Variants in TCF7L2 observed in about 807,000 individuals in gnomAD.
The protein encoded by TCF7L2 is transcription factor 7 like 2.
In TCF7L2, 23 loss-of-function variants were observed where a neutral mutation model predicts 77.9. The observed-to-expected ratio is 0.30, with a 90% CI of 0.21 to 0.42. TCF7L2 has a LOEUF of 0.42. Ranked by LOEUF, TCF7L2 falls within the 10% of genes least tolerant of loss-of-function variation. The pLI is 1.00. For missense variants in TCF7L2, 654 were observed against 793.1 expected (o/e 0.82, Z 2.11); for synonymous variants, 413 against 340.2 (o/e 1.21, Z -2.36).
At chr10:113,053,384 C>A (rs778041417) in intron 5 of TCF7L2, among the ~76,000 whole-genome samples, 11 of 152,138 alleles carry the variant, frequency 7.2e-5, no homozygotes, top group Non-Finnish European at 1.5e-4. Flanking sequence ...GTAGAACCTG[C>A]TGGATATGTA....
chr10:113,079,938 G>A (rs2059151183), intron 5 of TCF7L2, among the ~76,000 whole-genome samples: 1 of 152,072 alleles, frequency 6.6e-6, no homozygotes, highest in African/African-American at 2.4e-5. Flanking sequence ...GATTACAAGT[G>A]TGAGCACTGT....
chr10:112,969,876 G>T (rs1416384837), intron 4 of TCF7L2, among the ~76,000 whole-genome samples: 2 of 152,178 alleles, frequency 1.3e-5, no homozygotes, highest in Non-Finnish European at 1.5e-5. Flanking sequence ...ATAATGTTTA[G>T]GCATCTCTAT....
chr10:113,090,839 A>C (rs1019585535), intron 5 of TCF7L2, among the ~76,000 whole-genome samples: 1 of 152,046 alleles, frequency 6.6e-6, no homozygotes, highest in South Asian at 2.1e-4. Context: ...CGATCTCCTG[A>C]CCTCGTGATC....
intron 7 of TCF7L2, 102 bp downstream of exon 7, chr10:113,144,127 TG>T: frequency 1.1e-6 from 1 of 916,160 alleles, no homozygotes; most frequent in South Asian, 2.0e-5. Flanking sequence ...TGTGTGTGTG[TG>T]TGTGTGTGTA....
intron 5 of TCF7L2, among the ~76,000 whole-genome samples, chr10:113,070,709 C>T (rs1335165524): frequency 1.3e-5 from 2 of 152,108 alleles, no homozygotes; most frequent in African/African-American, 4.8e-5. Context: ...AATTTTCAGC[C>T]AGGGGAGAGT....
intron 13 of TCF7L2, among the ~76,000 whole-genome samples, chr10:113,165,065 TCACACA>T (rs1564992909): frequency 6.6e-6 from 1 of 152,100 alleles, no homozygotes; most frequent in Non-Finnish European, 1.5e-5. Flanking sequence ...ACACTCACAC[TCACACA>T]CTCACACACA....
chr10:113,125,218 CT>C (rs1199890455), intron 5 of TCF7L2, among the ~76,000 whole-genome samples: 1 of 145,120 alleles, frequency 6.9e-6, no homozygotes, highest in Non-Finnish European at 1.5e-5. Context: ...GTTCTCTGTT[CT>C]TTTTTTAAAA....
chr10:113,128,238 A>G (rs1474617898), intron 5 of TCF7L2, among the ~76,000 whole-genome samples: 1 of 152,188 alleles, frequency 6.6e-6, no homozygotes, highest in Admixed American at 6.5e-5. Context: ...TTACACAGGA[A>G]GGCCAGATAA....
chr10:113,027,610 G>C (rs903797655), intron 4 of TCF7L2, among the ~76,000 whole-genome samples: 2 of 152,156 alleles, frequency 1.3e-5, no homozygotes, highest in African/African-American at 4.8e-5. Flanking sequence ...TTTGGAAGTG[G>C]ACAAAACTGT....
chr10:113,146,970 C>T (rs1164652743), intron 8 of TCF7L2, among the ~76,000 whole-genome samples: 1 of 152,136 alleles, frequency 6.6e-6, no homozygotes, highest in Non-Finnish European at 1.5e-5. Flanking sequence ...AACATATTTA[C>T]AAGATACATT....
At chr10:113,000,490 C>G (rs2044277262) in intron 4 of TCF7L2, among the ~76,000 whole-genome samples, 1 of 152,048 alleles carries the variant, frequency 6.6e-6, no homozygotes, top group Non-Finnish European at 1.5e-5. Context: ...AATTCTTAGG[C>G]CCAGAAAGGC....
chr10:113,128,503 T>C (rs1218001758), intron 5 of TCF7L2, among the ~76,000 whole-genome samples: 1 of 152,094 alleles, frequency 6.6e-6, no homozygotes, highest in Non-Finnish European at 1.5e-5. Context: ...CATCTCTACC[T>C]TAGGTGTCCT....
At chr10:113,038,325 A>C (rs191926347) in intron 4 of TCF7L2, among the ~76,000 whole-genome samples, 1 of 152,242 alleles carries the variant, frequency 6.6e-6, no homozygotes, top group Admixed American at 6.5e-5. Flanking sequence ...ACACAACCGG[A>C]CTAATAACTA....
At chr10:113,150,938 A>C (rs763689702) in intron 8 of TCF7L2, 60 bp from the exon 9 acceptor site, 9 of 1,606,750 alleles carry the variant, frequency 5.6e-6, no homozygotes, top group Non-Finnish European at 6.8e-6. Context: ...TTGTGTGTAC[A>C]CATCCCTCCT....
At chr10:113,145,958 TCCCCAC>T in intron 7 of TCF7L2, 47 bp from the exon 8 acceptor site, 1 of 1,350,236 alleles carries the variant, frequency 7.4e-7, no homozygotes, top group Non-Finnish European at 1.0e-6. Flanking sequence ...CTTTTTCTTG[TCCCCAC>T]CCCCACCCTT....
chr10:113,017,897 C>T (rs529135343), intron 4 of TCF7L2, among the ~76,000 whole-genome samples: 5 of 152,262 alleles, frequency 3.3e-5, no homozygotes, highest in East Asian at 3.9e-4. Context: ...AGATCCAGAG[C>T]GGGCAGATGT....
chr10:113,083,629 A>G (rs991636126), intron 5 of TCF7L2, among the ~76,000 whole-genome samples: 1 of 152,192 alleles, frequency 6.6e-6, no homozygotes, highest in Non-Finnish European at 1.5e-5. Flanking sequence ...ACCTGTCTCC[A>G]AGGTTACGCG....
chr10:113,071,620 A>G (rs928054358), intron 5 of TCF7L2, among the ~76,000 whole-genome samples: 1 of 152,174 alleles, frequency 6.6e-6, no homozygotes, highest in African/African-American at 2.4e-5. Flanking sequence ...AGGGAATGTT[A>G]TCAGTGTTGG....
chr10:113,143,891 C>T, intron 6 of TCF7L2, 32 bp from the exon 7 acceptor site: 1 of 1,575,654 alleles, frequency 6.3e-7, no homozygotes, highest in Non-Finnish European at 8.7e-7. Context: ...TCTCTCCCTC[C>T]TTTGTACCTA....
Sources: gnomAD v4.1 joint callset for allele counts (sites outside exome capture counted in the v4.1 genomes callset) on GRCh38, gnomAD v4.1.1 for gene constraint, MANE v1.5 for transcripts, NCBI Gene and HGNC (gene_info 2026-07-23, HGNC 2026-07-21) for gene names.